Variants in R3HDM2 observed in about 807,000 individuals in gnomAD.
The protein encoded by R3HDM2 is R3H domain-containing protein 2.
A neutral mutation model predicts 124.5 loss-of-function variants in R3HDM2; 38 were observed. That is an observed-to-expected ratio of 0.31 (90% CI 0.24 to 0.40). The LOEUF is 0.40. Ranked by LOEUF, R3HDM2 falls within the 10% of genes least tolerant of loss-of-function variation. The pLI is 1.00. For missense variants in R3HDM2, 869 were observed against 1,236.9 expected, an observed-to-expected ratio of 0.70 and a Z score of 4.46; for synonymous variants, 391 against 448.0, an observed-to-expected ratio of 0.87 and a Z score of 1.61.
intron 1 of R3HDM2, among the ~76,000 whole-genome samples, chr12:57,396,402 C>T (rs2067506400): frequency 6.6e-6 from 1 of 151,854 alleles, no homozygotes; most frequent in South Asian, 2.1e-4. Flanking sequence ...GATCGCACCA[C>T]TGCACTCCAG....
intron 12 of R3HDM2, among the ~76,000 whole-genome samples, chr12:57,284,634 T>C (rs1040369534): frequency 3.3e-5 from 5 of 152,242 alleles, no homozygotes; most frequent in Non-Finnish European, 4.4e-5. Flanking sequence ...CTCAGTTTGA[T>C]AGTCTAGGAT....
chr12:57,394,232 G>A (rs530482513), intron 2 of R3HDM2, among the ~76,000 whole-genome samples: 7 of 152,152 alleles, frequency 4.6e-5, no homozygotes, highest in African/African-American at 1.7e-4. Flanking sequence ...GGGAGGCAGA[G>A]GTTAAAGTGA....
intron 19 of R3HDM2, among the ~76,000 whole-genome samples, chr12:57,265,292 C>T (rs183150416): frequency 6.6e-6 from 1 of 152,272 alleles, no homozygotes; most frequent in East Asian, 1.9e-4. Context: ...TTCCTCCTCA[C>T]AAAGTTATGG....
Position 57,328,366 on chromosome 12 carries a change from GTCTTA to G in R3HDM2, c.-35-17908_-35-17904del, listed in dbSNP as rs536878094. On this transcript the variant is annotated intron_variant, in intron 2 of 23. Coordinates refer to ENST00000402412, the MANE Select transcript of R3HDM2 (RefSeq NM_001394031.1). Reference sequence around the variant, plus strand: ...TGTGAGCCACCATGCCTGGCCAGTTGTCTTATCTTAAGAAATTGCCACAGCTACCC... The same window carrying G: ...TGTGAGCCACCATGCCTGGCCAGTTGTCTTAAGAAATTGCCACAGCTACCC... 1.1e-3 allele frequency among the ~76,000 whole-genome samples: 166 copies of G among 151,394 alleles called. 1 individual carries two copies. Among genetic ancestry groups the G allele is most frequent in the African/African-American group, 3.8e-3 (158 of 41,274 alleles).
Position 57,254,989 on chromosome 12 carries a change from C to A in R3HDM2, c.2757G>T (p.Gly919=), listed in dbSNP as rs73120051. The A allele has an allele frequency of 0.018, 29,015 of 1,613,960 alleles. 364 individuals carry two copies. Among genetic ancestry groups the A allele is most frequent in the Non-Finnish European group, 0.021 (25,083 of 1,179,998 alleles). ...TGTCCCCCCCACCCCCTCCAGGCAG[C>A]CCCTGAGCATCCTTGAGCCACTGGA... is the stretch of plus-strand genomic sequence containing the variant. ...AKIQWLKDAQ[G]LPGGGGGDNS... is the part of the protein sequence containing the mutation. Residue 919 remains glycine, a synonymous_variant, in exon 24 of 24, where the codon GGG becomes GGT. Coordinates refer to ENST00000402412, the MANE Select transcript of R3HDM2 (RefSeq NM_001394031.1).
intron 2 of R3HDM2, among the ~76,000 whole-genome samples, chr12:57,328,727 G>T (rs1265299852): frequency 6.6e-6 from 1 of 151,916 alleles, no homozygotes; most frequent in African/African-American, 2.4e-5. Flanking sequence ...TTGAAATTAA[G>T]GTATGTACTT....
chr12:57,266,110 T>C (rs955570559), intron 19 of R3HDM2, among the ~76,000 whole-genome samples: 3 of 147,956 alleles, frequency 2.0e-5, no homozygotes, highest in African/African-American at 7.5e-5. Context: ...ATTTTTCTTT[T>C]TTTTTTTTTT....
intron 2 of R3HDM2, among the ~76,000 whole-genome samples, chr12:57,328,941 G>A (rs1039841046): frequency 2.0e-5 from 3 of 152,126 alleles, no homozygotes; most frequent in Non-Finnish European, 2.9e-5. Context: ...GGTCTGGAAC[G>A]AAACTCACAG....
chr12:57,302,698 G>A (rs371917018), intron 4 of R3HDM2, among the ~76,000 whole-genome samples: 85 of 148,624 alleles, frequency 5.7e-4, no homozygotes, highest in African/African-American at 1.7e-3. Context: ...TAAAACATTA[G>A]GGGGAAAAAA....
intron 2 of R3HDM2, among the ~76,000 whole-genome samples, chr12:57,387,260 T>C (rs1452981016): frequency 6.6e-6 from 1 of 152,152 alleles, no homozygotes. Flanking sequence ...GCTCACTCTT[T>C]GGGTCCACAC....
At chr12:57,281,221 A>G (rs1213190790) in intron 13 of R3HDM2, among the ~76,000 whole-genome samples, 1 of 142,626 alleles carries the variant, frequency 7.0e-6, no homozygotes, top group Non-Finnish European at 1.5e-5. Context: ...CAGGAGGCAG[A>G]GGTTGCAGTG....
At chr12:57,375,834 A>T (rs1393387473) in intron 2 of R3HDM2, among the ~76,000 whole-genome samples, 1 of 151,954 alleles carries the variant, frequency 6.6e-6, no homozygotes, top group Non-Finnish European at 1.5e-5. Flanking sequence ...CACCATGTGC[A>T]GCTAATATTT....
chr12:57,404,081 T>TTTTTTTTTTA (rs2068297377), intron 1 of R3HDM2, among the ~76,000 whole-genome samples: 1 of 143,970 alleles, frequency 6.9e-6, no homozygotes, highest in Non-Finnish European at 1.5e-5. Flanking sequence ...TTTTTTTTTT[T>TTTTTTTTTTA]GAGATGGAGT....
At chr12:57,403,573 CA>C (rs886713966) in intron 1 of R3HDM2, among the ~76,000 whole-genome samples, 2 of 152,032 alleles carry the variant, frequency 1.3e-5, no homozygotes, top group African/African-American at 4.8e-5. Flanking sequence ...CTTTGGGAGA[CA>C]GGGGCGGGTG....
Position 57,330,041 on chromosome 12 carries a change from A to G in R3HDM2, c.-35-19578T>C, listed in dbSNP as rs2057913826. Among the ~76,000 whole-genome samples the G allele has an allele frequency of 2.0e-5, 3 of 152,210 alleles. No individual in the cohort carries two copies. In the South Asian group the frequency reaches 6.2e-4, roughly 32 times the overall value. ...CAGGCTGGAGGTGCGATCTCGGCTC[A>G]CCGCAACCTCCGCCTCCCGGGTTTA... On this transcript the variant is annotated intron_variant, in intron 2 of 23. Coordinates refer to ENST00000402412, the MANE Select transcript of R3HDM2 (RefSeq NM_001394031.1).
intron 1 of R3HDM2, among the ~76,000 whole-genome samples, chr12:57,429,530 C>A (rs1285754053): frequency 6.6e-6 from 1 of 152,102 alleles, no homozygotes; most frequent in Admixed American, 6.6e-5. Context: ...CCAGACCAGC[C>A]TGGGCAGCAA....
At chr12:57,422,153 C>A (rs2070284277) in intron 1 of R3HDM2, among the ~76,000 whole-genome samples, 1 of 150,446 alleles carries the variant, frequency 6.6e-6, no homozygotes, top group Admixed American at 6.6e-5. Context: ...ACTTGCATGA[C>A]TACTTTAGAC....
chr12:57,373,964 C>T (rs933068759), intron 2 of R3HDM2, among the ~76,000 whole-genome samples: 4 of 151,222 alleles, frequency 2.6e-5, no homozygotes, highest in African/African-American at 9.7e-5. Context: ...CCCGCCTCTA[C>T]TAAAAACACA....
chr12:57,417,515 C>A (rs1014648968), intron 1 of R3HDM2, among the ~76,000 whole-genome samples: 1 of 152,084 alleles, frequency 6.6e-6, no homozygotes, highest in Non-Finnish European at 1.5e-5. Flanking sequence ...CAATACTATT[C>A]CATGAGGATT....
Sources: allele counts gnomAD v4.1 joint callset (sites outside exome capture counted in the v4.1 genomes callset), GRCh38; gene constraint gnomAD v4.1.1; transcripts MANE v1.5; gene names NCBI Gene and HGNC (gene_info 2026-07-23, HGNC 2026-07-21).